STX8: variants seen among roughly 807,000 people sequenced by gnomAD.
STX8 encodes syntaxin 8, also known as syntaxin-8.
In STX8, 23 loss-of-function variants were observed where a neutral mutation model predicts 37.5. The ratio of observed to expected loss-of-function variants is 0.61; its 90% CI spans 0.44 to 0.87. STX8 has a LOEUF of 0.87. Among genes scored for constraint, STX8 ranks in the 40% least tolerant of loss-of-function variants. STX8 has a pLI of 0.00. For missense variants in STX8, 313 were observed against 284.7 expected (o/e 1.10, Z -0.71); for synonymous variants, 115 against 99.1 (o/e 1.16, Z -0.95).
chr17:9,366,203 T>C (rs1402700638), intron 7 of STX8, among the ~76,000 whole-genome samples: 1 of 152,210 alleles, frequency 6.6e-6, no homozygotes, highest in African/African-American at 2.4e-5. Flanking sequence ...CCTGGAATGC[T>C]ATTTTCTCCT....
At chr17:9,421,264 T>C (rs1037803913) in intron 6 of STX8, among the ~76,000 whole-genome samples, 3 of 151,684 alleles carry the variant, frequency 2.0e-5, no homozygotes, top group Admixed American at 1.3e-4. Flanking sequence ...TGGTGGCGCA[T>C]GCCTGTAATC....
At chr17:9,330,585 A>T (rs1909929637) in intron 7 of STX8, among the ~76,000 whole-genome samples, 1 of 152,216 alleles carries the variant, frequency 6.6e-6, no homozygotes, top group Non-Finnish European at 1.5e-5. Context: ...TAAAAGGTTT[A>T]TTAGTTCTAG....
chr17:9,412,055 A>G (rs1912998841), intron 6 of STX8, among the ~76,000 whole-genome samples: 1 of 152,158 alleles, frequency 6.6e-6, no homozygotes. Context: ...ATTAAATATT[A>G]AAGTCCTAGT....
intron 7 of STX8, among the ~76,000 whole-genome samples, chr17:9,340,384 T>C (rs1910305704): frequency 1.3e-5 from 2 of 152,238 alleles, no homozygotes; most frequent in Non-Finnish European, 2.9e-5. Flanking sequence ...CTGAACATTT[T>C]CACAAAATGA....
intron 7 of STX8, among the ~76,000 whole-genome samples, chr17:9,327,991 GTCTC>G (rs201774183): frequency 7.9e-6 from 1 of 127,148 alleles, no homozygotes; most frequent in Non-Finnish European, 1.6e-5. Context: ...TCCTTCTTTT[GTCTC>G]TCTCTTTCCT....
chr17:9,328,263 A>G (rs1392292081), intron 7 of STX8, among the ~76,000 whole-genome samples: 2 of 150,466 alleles, frequency 1.3e-5, no homozygotes, highest in African/African-American at 5.0e-5. Flanking sequence ...GTTGGGTTCT[A>G]GTTTCTATGG....
chr17:9,413,379 C>G (rs1243858012), intron 6 of STX8, among the ~76,000 whole-genome samples: 1 of 152,178 alleles, frequency 6.6e-6, no homozygotes, highest in East Asian at 1.9e-4. Flanking sequence ...GGCCAACAAC[C>G]TAGGCTGGTA....
intron 7 of STX8, among the ~76,000 whole-genome samples, chr17:9,288,858 A>G (rs926100515): frequency 6.6e-6 from 1 of 152,170 alleles, no homozygotes; most frequent in African/African-American, 2.4e-5. Context: ...AAGAAAAGAG[A>G]AAACACAGGA....
At chr17:9,256,006 T>C (rs1401718380) in intron 7 of STX8, among the ~76,000 whole-genome samples, 3 of 152,230 alleles carry the variant, frequency 2.0e-5, no homozygotes, top group Non-Finnish European at 4.4e-5. Context: ...AGGGATCTTT[T>C]TGAAGCCAGG....
At chr17:9,497,772 T>C (rs1904459794) in intron 5 of STX8, among the ~76,000 whole-genome samples, 1 of 152,236 alleles carries the variant, frequency 6.6e-6, no homozygotes, top group Non-Finnish European at 1.5e-5. Flanking sequence ...TTCTTCTTTT[T>C]CTATGTCTTT....
At chr17:9,261,704 T>C (rs1232101000) in intron 7 of STX8, among the ~76,000 whole-genome samples, 3 of 152,146 alleles carry the variant, frequency 2.0e-5, no homozygotes, top group African/African-American at 4.8e-5. Context: ...CAATTGTAAA[T>C]AGATAATCCT....
rs569539537 is a variant in STX8, at chr17:9,260,555, C to T, written c.644-9910G>A. Among the ~76,000 whole-genome samples the T allele has an allele frequency of 7.9e-5, 12 of 152,050 alleles. No homozygotes were observed. The South Asian group carries it at 1.9e-3, about 24-fold the overall frequency. ...AGGAAAATTGCTTCAACTCGGGAGGCGGAGGTTGCAGTGAGCCGAGATCGT... is the reference window on the plus strand; with the variant it reads ...AGGAAAATTGCTTCAACTCGGGAGGTGGAGGTTGCAGTGAGCCGAGATCGT... On this transcript the variant is annotated intron_variant, in intron 7 of 7. Transcript: ENST00000306357.
intron 7 of STX8, among the ~76,000 whole-genome samples, chr17:9,252,155 A>T (rs1220109285): frequency 6.8e-6 from 1 of 147,800 alleles, no homozygotes; most frequent in Non-Finnish European, 1.5e-5. Flanking sequence ...AAATATATTT[A>T]AAAAATTGGC....
At chr17:9,447,544 G>A (rs1026958016) in intron 6 of STX8, among the ~76,000 whole-genome samples, 9 of 151,956 alleles carry the variant, frequency 5.9e-5, no homozygotes, top group Non-Finnish European at 1.3e-4. Context: ...TGCTTCAGCC[G>A]CCCCAGTAGC....
At chr17:9,420,785 T>C (rs1157816595) in intron 6 of STX8, among the ~76,000 whole-genome samples, 1 of 152,228 alleles carries the variant, frequency 6.6e-6, no homozygotes, top group Non-Finnish European at 1.5e-5. Context: ...TCCAATGGCT[T>C]ATTTTCAGTC....
chr17:9,372,058 A>G (rs548095253), intron 7 of STX8, among the ~76,000 whole-genome samples: 3 of 152,198 alleles, frequency 2.0e-5, no homozygotes, highest in African/African-American at 7.2e-5. Flanking sequence ...GAGGCATTTC[A>G]TTTGTTTTTG....
At chr17:9,309,989 T>A (rs928913964) in intron 7 of STX8, among the ~76,000 whole-genome samples, 2 of 120,942 alleles carry the variant, frequency 1.7e-5, no homozygotes, top group African/African-American at 6.7e-5. Flanking sequence ...TTGTCAATAG[T>A]CAAGTTGACT....
At chr17:9,394,833 C>T (rs868802462) in intron 6 of STX8, among the ~76,000 whole-genome samples, 2 of 148,368 alleles carry the variant, frequency 1.3e-5, no homozygotes, top group East Asian at 2.1e-4. Flanking sequence ...TTTGGGAGGC[C>T]GAGGCAGGTG....
At chr17:9,527,615 T>C (rs1905630154) in intron 4 of STX8, among the ~76,000 whole-genome samples, 1 of 152,196 alleles carries the variant, frequency 6.6e-6, no homozygotes, top group South Asian at 2.1e-4. Flanking sequence ...AATGTTTTTA[T>C]TTTCCATACC....
Sources: gnomAD v4.1 joint callset for allele counts (sites outside exome capture counted in the v4.1 genomes callset) on GRCh38, gnomAD v4.1.1 for gene constraint, MANE v1.5 for transcripts, NCBI Gene and HGNC (gene_info 2026-07-23, HGNC 2026-07-21) for gene names.